The following ZBTB7C variants were observed in gnomAD, a reference collection of about 807,000 sequenced individuals.
The protein encoded by ZBTB7C is zinc finger and BTB domain-containing protein 7C.
A neutral mutation model predicts 25.7 loss-of-function variants in ZBTB7C; 8 were observed. The observed-to-expected ratio is 0.31, with a 90% CI of 0.18 to 0.56. ZBTB7C has a LOEUF of 0.56. Among genes scored for constraint, ZBTB7C ranks in the 20% least tolerant of loss-of-function variants. The probability of loss-of-function intolerance (pLI) is 0.91; values close to 1 mark genes in which losing one functional copy is unlikely to be tolerated. For synonymous variants in ZBTB7C, 394 were observed against 369.0 expected (o/e 1.07, Z -0.78); for missense variants, 824 against 855.2 (o/e 0.96, Z 0.46).
At chr18:48,233,376 T>C (rs1330559340) in intron 2 of ZBTB7C, among the ~76,000 whole-genome samples, 1 of 152,138 alleles carries the variant, frequency 6.6e-6, no homozygotes, top group Admixed American at 6.5e-5. Flanking sequence ...ATCCAGTCTC[T>C]GGTATTCTCT....
chr18:48,174,453 A>C (rs2041602426), intron 3 of ZBTB7C, among the ~76,000 whole-genome samples: 1 of 152,262 alleles, frequency 6.6e-6, no homozygotes, highest in Non-Finnish European at 1.5e-5. Flanking sequence ...TCTGTTGGCA[A>C]GGTCGTGGGA....
At chr18:48,131,978 G>A (rs929960275) in intron 3 of ZBTB7C, among the ~76,000 whole-genome samples, 1 of 152,114 alleles carries the variant, frequency 6.6e-6, no homozygotes, top group Non-Finnish European at 1.5e-5. Flanking sequence ...AAAACATTCT[G>A]GTAGTTTCCC....
At chr18:48,066,448 T>A (rs79106532) in intron 3 of ZBTB7C, among the ~76,000 whole-genome samples, 16 of 152,336 alleles carry the variant, frequency 1.1e-4, no homozygotes, top group African/African-American at 3.8e-4. Context: ...CCATGTTTAG[T>A]GCTGAGTGAG....
chr18:48,284,096 G>A (rs992953525), intron 2 of ZBTB7C, among the ~76,000 whole-genome samples: 12 of 151,652 alleles, frequency 7.9e-5, no homozygotes, highest in South Asian at 4.2e-4. Context: ...GCAATGAGCC[G>A]AGATTGCACC....
intron 1 of ZBTB7C, among the ~76,000 whole-genome samples, chr18:48,397,901 C>T (rs2048066183): frequency 6.6e-6 from 1 of 152,238 alleles, no homozygotes; most frequent in South Asian, 2.1e-4. Context: ...AATCCTAATG[C>T]ACCTTGTATT....
intron 2 of ZBTB7C, among the ~76,000 whole-genome samples, chr18:48,215,846 A>T (rs967948495): frequency 3.9e-5 from 6 of 152,224 alleles, no homozygotes; most frequent in Non-Finnish European, 8.8e-5. Flanking sequence ...TTTTTGACAT[A>T]ATTCAAAATA....
At chr18:48,208,257 A>C (rs2042625585) in intron 2 of ZBTB7C, among the ~76,000 whole-genome samples, 1 of 152,124 alleles carries the variant, frequency 6.6e-6, no homozygotes, top group Admixed American at 6.5e-5. Flanking sequence ...GTCCACTCTG[A>C]AAGGACAAAT....
chr18:48,264,294 T>C (rs2044250384), intron 2 of ZBTB7C, among the ~76,000 whole-genome samples: 1 of 152,208 alleles, frequency 6.6e-6, no homozygotes, highest in African/African-American at 2.4e-5. Context: ...TTGTTTAAAA[T>C]GACCACAGAA....
intron 3 of ZBTB7C, among the ~76,000 whole-genome samples, chr18:48,138,991 C>T (rs1300765541): frequency 6.6e-6 from 1 of 152,152 alleles, no homozygotes; most frequent in Non-Finnish European, 1.5e-5. Flanking sequence ...AGATAAAGCA[C>T]AGGCGGACTG....
chr18:48,060,990 G>A (rs535855324), intron 3 of ZBTB7C, among the ~76,000 whole-genome samples: 4 of 152,140 alleles, frequency 2.6e-5, no homozygotes, highest in Non-Finnish European at 4.4e-5. Context: ...TGACCAAGCC[G>A]CCATGGAGTG....
intron 2 of ZBTB7C, among the ~76,000 whole-genome samples, chr18:48,329,619 T>A (rs2046300221): frequency 6.6e-6 from 1 of 152,176 alleles, no homozygotes; most frequent in African/African-American, 2.4e-5. Flanking sequence ...GGGTGCAGTT[T>A]ATGTATGTGT....
At chr18:48,103,150 ATCTATCTATCTG>A (rs2038908971) in intron 3 of ZBTB7C, among the ~76,000 whole-genome samples, 1 of 138,696 alleles carries the variant, frequency 7.2e-6, no homozygotes, top group Non-Finnish European at 1.6e-5. Context: ...CTATCTATCT[ATCTATCTATCTG>A]AAAAAAGTGA....
chr18:48,327,275 C>T (rs189647550), intron 2 of ZBTB7C, among the ~76,000 whole-genome samples: 2 of 152,266 alleles, frequency 1.3e-5, no homozygotes, highest in East Asian at 3.9e-4. Flanking sequence ...GACCCACCCC[C>T]GAATCACCAT....
intron 3 of ZBTB7C, among the ~76,000 whole-genome samples, chr18:48,069,485 A>G (rs2037462568): frequency 1.3e-5 from 2 of 152,140 alleles, no homozygotes; most frequent in African/African-American, 4.8e-5. Flanking sequence ...CTGTGAGCAG[A>G]CAGAGGACAG....
chr18:48,385,740 C>T (rs1372512082), intron 1 of ZBTB7C, among the ~76,000 whole-genome samples: 4 of 152,174 alleles, frequency 2.6e-5, no homozygotes, highest in East Asian at 1.9e-4. Context: ...AGGAAACCCT[C>T]GATATTTGCC....
chr18:48,185,170 C>T (rs1029429501), intron 3 of ZBTB7C, among the ~76,000 whole-genome samples: 5 of 152,166 alleles, frequency 3.3e-5, no homozygotes, highest in African/African-American at 1.2e-4. Flanking sequence ...CCATCCTCCA[C>T]ATAGGCATCC....
chr18:48,076,548 T>A (rs2037771789), intron 3 of ZBTB7C, among the ~76,000 whole-genome samples: 1 of 152,132 alleles, frequency 6.6e-6, no homozygotes, highest in South Asian at 2.1e-4. Flanking sequence ...CCCCAAATAT[T>A]CCCTGCTTTC....
intron 1 of ZBTB7C, among the ~76,000 whole-genome samples, chr18:48,348,676 G>A (rs1470698027): frequency 6.6e-6 from 1 of 152,214 alleles, no homozygotes; most frequent in East Asian, 1.9e-4. Flanking sequence ...AATTAGCTAG[G>A]CGTGGTGGCA....
At chr18:48,159,352 A>C (rs2040932301) in intron 3 of ZBTB7C, among the ~76,000 whole-genome samples, 1 of 152,152 alleles carries the variant, frequency 6.6e-6, no homozygotes, top group African/African-American at 2.4e-5. Flanking sequence ...CCTCATAGGG[A>C]TCTTACGAGG....
Sources: gnomAD v4.1 joint callset for allele counts (sites outside exome capture counted in the v4.1 genomes callset) on GRCh38, gnomAD v4.1.1 for gene constraint, MANE v1.5 for transcripts, NCBI Gene and HGNC (gene_info 2026-07-23, HGNC 2026-07-21) for gene names.